Variants in HP observed in about 807,000 individuals in gnomAD.
HP encodes the protein haptoglobin, also known as haptoglobin alpha(1S)-beta.
A neutral mutation model predicts 23.2 loss-of-function variants in HP; 9 were observed. That is an observed-to-expected ratio of 0.39 (90% CI 0.23 to 0.68). HP has a LOEUF of 0.68. Ranked by LOEUF, HP falls within the 30% of genes least tolerant of loss-of-function variation. HP has a pLI of 0.47. For synonymous variants in HP, 155 were observed against 183.3 expected (o/e 0.85, Z 1.25); for missense variants, 433 against 483.6 (o/e 0.90, Z 0.98).
chr16:72,058,053 C>T, intron 4 of HP: 2 of 679,658 alleles, frequency 2.9e-6, no homozygotes, highest in Admixed American at 3.4e-5. Flanking sequence ...ATTATTGTAG[C>T]CCCTAGCCCT....
rs5473 is a variant in HP at position 72,059,118 on chromosome 16, G to A, written c.372G>A (p.Val124=). The A allele has an allele frequency of 4.6e-3, 7,238 of 1,564,952 alleles. 689 individuals are homozygous for A. In the Admixed American group the frequency reaches 0.048, roughly 10 times the overall value. ...ACTTCTTGCCTTTTGTTTCAGGAGT[G>A]TACACCTTAAACAATGAGAAGCAGT... ...YYKLRTEGDG[V]YTLNNEKQWI... The change falls in exon 6 of 7, where the codon GTG becomes GTA. Residue 124 remains valine (V), a synonymous_variant. Transcript: ENST00000355906.
chr16:72,054,906 T>C, intron 1 of HP: 2 of 747,200 alleles, frequency 2.7e-6, no homozygotes, highest in East Asian at 2.7e-5. Context: ...TTTTTGACTT[T>C]ATAGGGTATG....
chr16:72,055,842 G>A, intron 1 of HP: 1 of 390,976 alleles, frequency 2.6e-6, no homozygotes, highest in Admixed American at 3.5e-5. Flanking sequence ...CCTGAATGCA[G>A]CCAGAAACTG....
At chr16:72,057,988 A>G (rs571961167) in intron 4 of HP, 1 of 463,512 alleles carries the variant, frequency 2.2e-6, no homozygotes, top group Non-Finnish European at 3.7e-6. Context: ...ACCATCTACA[A>G]AATCTGAGCT....
intron 1 of HP, chr16:72,055,418 A>G: frequency 6.3e-6 from 1 of 157,676 alleles, no homozygotes; most frequent in East Asian, 1.9e-4. Flanking sequence ...GATTACAGGC[A>G]TGAGCCACCG....
At position 72,059,377 on chromosome 16, in the gene HP, C is replaced by T. The variant is rs111902606; in HGVS notation, c.442+189C>T. 2.0e-4 allele frequency: 163 copies of T among 825,154 alleles called. 3 individuals are homozygous for T. Among genetic ancestry groups the T allele is most frequent in the Middle Eastern group, 7.5e-4 (2 of 2,676 alleles). 51.1% of individuals were successfully genotyped at this position (825,154 alleles called of 1,614,324 possible). A position where few individuals can be genotyped will look rare whatever the true frequency, so the allele number is the denominator to read the frequency against. ...CCTAAGGGTCACCAAGGGTCTTGTT[C>T]ATTAGGGCCTGAAGGGCACTGGCTG... On this transcript the variant is annotated intron_variant, in intron 6 of 6. Transcript: ENST00000355906.
intron 6 of HP, 131 bp from the exon 7 acceptor site, chr16:72,059,981 G>A: frequency 6.7e-7 from 1 of 1,500,644 alleles, no homozygotes; most frequent in South Asian, 1.3e-5. Context: ...GAGATCAGCA[G>A]GTGGTAAGGG....
chr16:72,059,151 T>C lies in HP; in HGVS notation c.405T>C (p.Asn135=). 3 of 1,565,590 alleles carry C rather than the reference T, an allele frequency of 1.9e-6. No homozygotes were observed. Among genetic ancestry groups the C allele is most frequent in the Non-Finnish European group, 2.6e-6 (3 of 1,149,094 alleles). Residue 135 remains asparagine (N), a synonymous_variant, in exon 6 of 7, where the codon AAT becomes AAC. Transcript: ENST00000355906. ...TAAACAATGAGAAGCAGTGGATAAA[T>C]AAGGCTGTTGGAGATAAACTTCCTG... ...YTLNNEKQWI[N]KAVGDKLPEC... is the part of the protein sequence containing the mutation.
intron 2 of HP, 43 bp downstream of exon 2, chr16:72,056,286 C>A (rs1567583369): frequency 1.3e-6 from 2 of 1,593,422 alleles, no homozygotes; most frequent in Non-Finnish European, 8.6e-7. Flanking sequence ...CACTCTGACC[C>A]TCTCGGGTCT....
intron 1 of HP, chr16:72,055,423 C>T (rs997169887): frequency 5.7e-5 from 9 of 157,366 alleles, no homozygotes; most frequent in African/African-American, 2.2e-4. Context: ...CAGGCATGAG[C>T]CACCGTGTCT....
intron 4 of HP, 108 bp downstream of exon 4, chr16:72,057,574 G>A: frequency 1.9e-6 from 1 of 524,170 alleles, no homozygotes; most frequent in South Asian, 2.0e-5. Context: ...CAAGAGCCAG[G>A]AGGAGGGATG....
chr16:72,058,910 C>G (rs2144045845), intron 5 of HP, among the ~76,000 whole-genome samples: 1 of 140,632 alleles, frequency 7.1e-6, no homozygotes, highest in Non-Finnish European at 1.5e-5. Flanking sequence ...ACAGTGTGTT[C>G]TGCTGGGCTT....
intron 5 of HP, 66 bp from the exon 6 acceptor site, chr16:72,059,048 C>T: frequency 6.9e-7 from 1 of 1,447,044 alleles, no homozygotes; most frequent in Non-Finnish European, 9.6e-7. Flanking sequence ...CTTTAAATGC[C>T]TTCTCACTCT....
At chr16:72,057,164 ACCG>A (rs1409142095) in intron 3 of HP, 3 of 599,180 alleles carry the variant, frequency 5.0e-6, no homozygotes, top group African/African-American at 2.0e-5. Flanking sequence ...CTTGGCTGTG[ACCG>A]CCATGACCAC....
rs184489841 is a variant in HP, at chr16:72,054,989, G to T, written c.5+332G>T. 72 of 508,986 alleles carry T rather than the reference G, an allele frequency of 1.4e-4. 1 individual carries two copies. The highest frequency in any genetic ancestry group is 1.3e-3 in the African/African-American group (69 of 52,280). The allele number at this position is 508,986 out of a possible 1,614,324, so 31.5% of individuals were successfully genotyped here. On this transcript the variant is annotated intron_variant, in intron 1 of 6. Coordinates refer to ENST00000355906, the MANE Select transcript of HP (RefSeq NM_005143.5). ...AGCAGATATTTTCCTCTTTAAAAAT[G>T]TACAATAAGGAAGACTAATAGTAAC...
chr16:72,054,887 C>A, intron 1 of HP: 2 of 847,628 alleles, frequency 2.4e-6, no homozygotes, highest in Non-Finnish European at 1.8e-6. Context: ...CTTTTTCCTT[C>A]AGGTTACATT....
At position 72,060,362 on chromosome 16, in the gene HP, A is replaced by G. The variant is rs1256846660; in HGVS notation, c.693A>G (p.Val231=). 1.2e-6 allele frequency: 2 copies of G among 1,614,166 alleles called. No homozygotes were observed. Among genetic ancestry groups the G allele is most frequent in the East Asian group, 2.2e-5 (1 of 44,842 alleles). The change falls in exon 7 of 7, where the codon GTA becomes GTG. Residue 231 remains valine (V), a synonymous_variant. Coordinates refer to ENST00000355906, the MANE Select transcript of HP (RefSeq NM_005143.5). ...LTLYVGKKQL[V]EIEKVVLHPN... ...TCTATGTGGGGAAAAAGCAGCTTGT[A>G]GAGATTGAGAAGGTTGTTCTACACC...
At chr16:72,059,816 T>C (rs2041512250) in intron 6 of HP, 1 of 551,456 alleles carries the variant, frequency 1.8e-6, no homozygotes, top group African/African-American at 1.9e-5. Context: ...ATTCCTTTAT[T>C]GGGATAATTG....
chr16:72,060,591 C>G lies in HP; in HGVS notation c.922C>G (p.Gln308Glu), dbSNP rs570951185. 1.5e-5 allele frequency: 25 copies of G among 1,614,054 alleles called. No individual in the cohort carries two copies. The highest frequency in any genetic ancestry group is 6.7e-5 in the East Asian group (3 of 44,834). ...CATGCTGCCTGTGGCTGACCAAGAC[C>G]AATGCATAAGGCATTATGAAGGCAG... ...YVMLPVADQD[Q>E]CIRHYEGSTV... Residue 308 changes from glutamine (Q) to glutamate (E), a missense_variant, in exon 7 of 7, where the codon CAA becomes GAA. Transcript: ENST00000355906.
Sources: gnomAD v4.1 joint callset for allele counts (sites outside exome capture counted in the v4.1 genomes callset) on GRCh38, gnomAD v4.1.1 for gene constraint, MANE v1.5 for transcripts, NCBI Gene and HGNC (gene_info 2026-07-23, HGNC 2026-07-21) for gene names.